HCN3: variants seen among roughly 807,000 people sequenced by gnomAD.
The protein encoded by HCN3 is hyperpolarization activated cyclic nucleotide gated potassium channel 3, also known as potassium/sodium hyperpolarization-activated cyclic nucleotide-gated channel 3.
A neutral mutation model predicts 56.8 loss-of-function variants in HCN3; 36 were observed. The observed-to-expected ratio is 0.63, with a 90% CI of 0.49 to 0.84. The LOEUF (loss-of-function observed/expected upper bound fraction) is 0.84. HCN3 is among the 40% of genes least tolerant of loss of function. The probability of loss-of-function intolerance (pLI) is 0.00; values close to 1 mark genes in which losing one functional copy is unlikely to be tolerated. For missense variants in HCN3, 930 were observed against 1,079.3 expected, an observed-to-expected ratio of 0.86 and a Z score of 1.94; for synonymous variants, 425 against 439.7, an observed-to-expected ratio of 0.97 and a Z score of 0.42.
intron 6 of HCN3, 108 bp from the exon 7 acceptor site, chr1:155,287,065 C>A: frequency 7.7e-7 from 1 of 1,299,882 alleles, no homozygotes; most frequent in Admixed American, 2.1e-5. Flanking sequence ...ATGGTTTCTC[C>A]CAAGTCTAGG....
Position 155,284,751 on chromosome 1 carries a change from G to C in HCN3, c.1083G>C (p.Gln361His), listed in dbSNP as rs755472158. The change falls in exon 4 of 8, where the codon CAG (glutamine) becomes CAC (histidine). Residue 361 changes from glutamine (Q) to histidine (H), a missense_variant. Gln to His is a conservative substitution (Grantham distance 24). Transcript: ENST00000368358. This position sits in a 1 kb window ranked among gnomAD's most constrained non-coding sequence, Gnocchi z 4.3. ...QSLDSSRRQYQEKYKQVEQYM... is the reference protein window; with the variant it reads ...QSLDSSRRQYHEKYKQVEQYM... ...TGGACTCTTCCCGGCGTCAGTACCA[G>C]GAGAAGGTCAGCAGGGACAGGAGAG... 1.2e-6 allele frequency: 2 copies of C among 1,613,232 alleles called. No homozygotes were observed. The highest frequency in any genetic ancestry group is 1.7e-5 in the Admixed American group (1 of 59,982).
In HCN3 at chr1:155,287,855, C is replaced by G; in HGVS notation, c.1717C>G (p.His573Asp). 3.1e-6 allele frequency: 5 copies of G among 1,613,902 alleles called. No individual in the cohort carries two copies. The highest frequency in any genetic ancestry group is 4.2e-6 in the Non-Finnish European group (5 of 1,179,910). The change falls in exon 8 of 8, where the codon CAC becomes GAC. Residue 573 changes from histidine to aspartate, a missense_variant. His to Asp is a moderately conservative substitution (Grantham distance 81, BLOSUM62 -1). Coordinates refer to ENST00000368358, the MANE Select transcript of HCN3 (RefSeq NM_020897.3). Reference sequence around the variant, plus strand: ...CAGCAGTGGTGGCATCATGGAGCAGCACTTGGTGCAACATGACAGAGACAT... The same window carrying G: ...CAGCAGTGGTGGCATCATGGAGCAGGACTTGGTGCAACATGACAGAGACAT... ...PGSSGGIMEQ[H>D]LVQHDRDMAR...
In HCN3 at chr1:155,288,193, G is replaced by A; in HGVS notation, c.2055G>A (p.Arg685=). 6.3e-7 allele frequency: 1 copy of A among 1,574,942 alleles called. No homozygotes were observed. Among genetic ancestry groups the A allele is most frequent in the Non-Finnish European group, 8.6e-7 (1 of 1,165,360 alleles). ...PARTLHASLS[R]AGRSQVSLLG... is the part of the protein sequence containing the mutation. Reference sequence around the variant, plus strand: ...GAACCCTGCACGCCAGCCTATCCCGGGCAGGGCGCTCCCAGGTCTCCCTGC... The same window carrying A: ...GAACCCTGCACGCCAGCCTATCCCGAGCAGGGCGCTCCCAGGTCTCCCTGC... Residue 685 remains arginine (R), a synonymous_variant, in exon 8 of 8, where the codon CGG becomes CGA. Coordinates refer to ENST00000368358, the MANE Select transcript of HCN3 (RefSeq NM_020897.3). This position sits in a 1 kb window ranked among gnomAD's most constrained non-coding sequence, Gnocchi z 6.5.
chr1:155,285,083 C>T lies in HCN3; in HGVS notation c.1090-82C>T. The T allele has an allele frequency of 6.6e-7, 1 of 1,519,190 alleles. No individual in the cohort carries two copies. The highest frequency in any genetic ancestry group is 1.2e-5 in the South Asian group (1 of 82,444). The allele number at this position is 1,519,190 out of a possible 1,614,324, so 94.1% of individuals were successfully genotyped here. A position where few individuals can be genotyped will look rare whatever the true frequency, so the allele number is the denominator to read the frequency against. ...CTTTGAGTTTGACCTGTGTCTCTGA[C>T]CTTCCGCACACACACCCCACTGTGC... On this transcript the variant is annotated intron_variant, in intron 4 of 7. Transcript: ENST00000368358. This position sits in a 1 kb window ranked among gnomAD's most constrained non-coding sequence, Gnocchi z 4.5.
chr1:155,282,750 C>G lies in HCN3; in HGVS notation c.618C>G (p.Ala206=), dbSNP rs1303323535. The stretch of plus-strand genomic sequence containing the variant: ...CTGAGGTCTACAAAACGGCACGGGC[C>G]CTACGCATCGTTCGCTTCACCAAGA... ...LDAEVYKTAR[A]LRIVRFTKIL... Residue 206 remains alanine, a synonymous_variant, in exon 2 of 8, where the codon GCC becomes GCG. Coordinates refer to ENST00000368358, the MANE Select transcript of HCN3 (RefSeq NM_020897.3). This position sits in a 1 kb window ranked among gnomAD's most constrained non-coding sequence, Gnocchi z 4.7. 3 of 1,614,158 alleles carry G rather than the reference C, an allele frequency of 1.9e-6. No homozygotes were observed. The highest frequency in any genetic ancestry group is 2.5e-6 in the Non-Finnish European group (3 of 1,180,034).
intron 2 of HCN3, among the ~76,000 whole-genome samples, chr1:155,283,241 G>A (rs1289849570): frequency 6.6e-6 from 1 of 152,038 alleles, no homozygotes; most frequent in East Asian, 1.9e-4. Flanking sequence ...CAGTTTTATT[G>A]TTTACTATAG....
In HCN3 at chr1:155,282,108, C is replaced by G. The variant is rs1674078723; in HGVS notation, c.279-303C>G. 6.6e-6 allele frequency among the ~76,000 whole-genome samples: 1 copy of G among 152,150 alleles called. No individual in the cohort carries two copies. Among genetic ancestry groups the G allele is most frequent in the Non-Finnish European group, 1.5e-5 (1 of 68,040 alleles). ...TACACAAGGACATGTGTGTTGTTCT[C>G]AAATTTAATGCTGCTATAAACATTC... On this transcript the variant is annotated intron_variant, in intron 1 of 7. Coordinates refer to ENST00000368358, the MANE Select transcript of HCN3 (RefSeq NM_020897.3). This position sits in a 1 kb window ranked among gnomAD's most constrained non-coding sequence, Gnocchi z 4.7.
At position 155,284,136 on chromosome 1, in the gene HCN3, G is replaced by A. The variant is rs768329776; in HGVS notation, c.870+1G>A. On this transcript the variant is annotated splice_donor_variant, in intron 3 of 7. Transcript: ENST00000368358. LOFTEE classifies it high-confidence loss of function. This position sits in a 1 kb window ranked among gnomAD's most constrained non-coding sequence, Gnocchi z 4.3. ...CTGGGTCTCCATCAACCACATGGTG[G>A]TGAGAAGTCCCCACAGCTCTGCCTT... is the stretch of plus-strand genomic sequence containing the variant. 2 of 1,613,812 alleles carry A rather than the reference G, an allele frequency of 1.2e-6. No individual in the cohort carries two copies. Among genetic ancestry groups the A allele is most frequent in the South Asian group, 1.1e-5 (1 of 91,070 alleles).
At chr1:155,277,907 C>A in intron 1 of HCN3, 39 bp downstream of exon 1, 2 of 1,592,422 alleles carry the variant, frequency 1.3e-6, no homozygotes, top group Non-Finnish European at 1.7e-6. Context: ...GTACATCAAT[C>A]CCACCCTCGC....
chr1:155,284,338 C>T lies in HCN3; in HGVS notation c.871-201C>T. On this transcript the variant is annotated intron_variant, in intron 3 of 7. Coordinates refer to ENST00000368358, the MANE Select transcript of HCN3 (RefSeq NM_020897.3). The surrounding 1 kb of genome is among the most constrained non-coding windows in gnomAD (Gnocchi z 4.3). Reference sequence around the variant, plus strand: ...GAGGGAGCAGGCAAAGGAAGGGTACCTACCCGGAAGCTGAGGCCCCCAAGT... The same window carrying T: ...GAGGGAGCAGGCAAAGGAAGGGTACTTACCCGGAAGCTGAGGCCCCCAAGT... 1 of 841,746 alleles carries T rather than the reference C, an allele frequency of 1.2e-6. No homozygotes were observed. Among genetic ancestry groups the T allele is most frequent in the East Asian group, 2.7e-5 (1 of 37,198 alleles). The allele number at this position is 841,746 out of a possible 1,614,324, so 52.1% of individuals were successfully genotyped here.
intron 1 of HCN3, among the ~76,000 whole-genome samples, chr1:155,280,683 C>T (rs1031965908): frequency 3.3e-5 from 5 of 150,888 alleles, no homozygotes; most frequent in African/African-American, 4.9e-5. Context: ...TGTGATCTGC[C>T]CACCTTGGCC....
chr1:155,284,547 G>A lies in HCN3; in HGVS notation c.879G>A (p.Ser293=), dbSNP rs758943199. The change falls in exon 4 of 8, where the codon TCG becomes TCA. Residue 293 remains serine (S), a synonymous_variant. Coordinates refer to ENST00000368358, the MANE Select transcript of HCN3 (RefSeq NM_020897.3). This position sits in a 1 kb window ranked among gnomAD's most constrained non-coding sequence, Gnocchi z 4.3. ...TATACTCTGCCCCTCAGAACCACTC[G>A]TGGGGCCGCCAGTATTCCCATGCCC... is the stretch of plus-strand genomic sequence containing the variant. ...WVSINHMVNH[S]WGRQYSHALF... is the part of the protein sequence containing the mutation. The A allele has an allele frequency of 6.2e-6, 10 of 1,611,864 alleles. No individual in the cohort carries two copies. Among genetic ancestry groups the A allele is most frequent in the African/African-American group, 2.7e-5 (2 of 74,882 alleles).
At position 155,285,893 on chromosome 1, in the gene HCN3, A is replaced by G; in HGVS notation, c.1406A>G (p.Gln469Arg). The G allele has an allele frequency of 6.2e-7, 1 of 1,613,906 alleles. No homozygotes were observed. Among genetic ancestry groups the G allele is most frequent in the Non-Finnish European group, 8.5e-7 (1 of 1,179,800 alleles). The change falls in exon 6 of 8, where the codon CAG (glutamine) becomes CGG (arginine). Residue 469 changes from glutamine to arginine, a missense_variant. By Grantham distance (43) the Gln-to-Arg change is conservative (BLOSUM62 1). Coordinates refer to ENST00000368358, the MANE Select transcript of HCN3 (RefSeq NM_020897.3). The surrounding 1 kb of genome is among the most constrained non-coding windows in gnomAD (Gnocchi z 4.5). ...GSVGRKMYFI[Q>R]HGLLSVLARG... ...GTGGGGAGGAAGATGTACTTCATCCAGCATGGGCTGCTCAGTGTGCTGGCC... is the reference window on the plus strand; with the variant it reads ...GTGGGGAGGAAGATGTACTTCATCCGGCATGGGCTGCTCAGTGTGCTGGCC...
intron 6 of HCN3, 59 bp from the exon 7 acceptor site, chr1:155,287,114 A>G: frequency 6.3e-7 from 1 of 1,590,652 alleles, no homozygotes; most frequent in South Asian, 1.1e-5. Context: ...CTGCAGGCTC[A>G]GCAAGAGGAG....
In HCN3 at chr1:155,288,243, G is replaced by T; in HGVS notation, c.2105G>T (p.Gly702Val). 1 of 1,587,366 alleles carries T rather than the reference G, an allele frequency of 6.3e-7. No individual in the cohort carries two copies. The highest frequency in any genetic ancestry group is 8.5e-7 in the Non-Finnish European group (1 of 1,170,522). ...SLLGPPPGGG[G>V]RRLGPRGRPL... ...CTGGGTCCCCCTCCAGGAGGAGGTG[G>T]ACGGCGGCTAGGACCTCGGGGCCGC... The change falls in exon 8 of 8, where the codon GGA becomes GTA. Residue 702 changes from glycine (G) to valine (V), a missense_variant. Physicochemically the swap from Gly to Val is moderately radical, Grantham distance 109 (BLOSUM62 -3). Coordinates refer to ENST00000368358, the MANE Select transcript of HCN3 (RefSeq NM_020897.3). This position sits in a 1 kb window ranked among gnomAD's most constrained non-coding sequence, Gnocchi z 6.5.
chr1:155,286,920 C>A (rs1280693607), intron 6 of HCN3, among the ~76,000 whole-genome samples: 2 of 152,054 alleles, frequency 1.3e-5, no homozygotes, highest in African/African-American at 2.4e-5. Context: ...GCCAGCAAGA[C>A]CTGCCTGGTC....
chr1:155,287,782 C>T lies in HCN3; in HGVS notation c.1644C>T (p.Gly548=), dbSNP rs774712848. The T allele has an allele frequency of 2.2e-5, 35 of 1,571,172 alleles. No homozygotes were observed. Among genetic ancestry groups the T allele is most frequent in the Admixed American group, 3.6e-5 (2 of 55,080 alleles). ...TCTCCCTCCCGGTACAACTTCTAGG[C>T]AAGAAGAATTCCATACTGCAGCGGA... The part of the protein sequence containing the change: ...TVAMDRLLRI[G]KKNSILQRKR... The change falls in exon 8 of 8, where the codon GGC becomes GGT. Residue 548 remains glycine, a splice_region_variant and synonymous_variant. Coordinates refer to ENST00000368358, the MANE Select transcript of HCN3 (RefSeq NM_020897.3).
Position 155,277,612 on chromosome 1 carries a change from G to C in HCN3, c.22G>C (p.Ala8Pro), listed in dbSNP as rs1397586772. ...CGCCATGGAGGCAGAGCAGCGGCCG[G>C]CGGCGGGGGCCAGCGAAGGGGCGAC... MEAEQRP[A>P]AGASEGATPG... The change falls in exon 1 of 8, where the codon GCG (alanine) becomes CCG (proline). Residue 8 changes from alanine (A) to proline (P), a missense_variant. Physicochemically the swap from Ala to Pro is conservative, Grantham distance 27 (BLOSUM62 -1). Transcript: ENST00000368358. 2 of 1,557,566 alleles carry C rather than the reference G, an allele frequency of 1.3e-6. No homozygotes were observed. Among genetic ancestry groups the C allele is most frequent in the Non-Finnish European group, 1.7e-6 (2 of 1,151,996 alleles).
chr1:155,282,878 G>A lies in HCN3; in HGVS notation c.708+38G>A. 6.3e-6 allele frequency: 9 copies of A among 1,435,234 alleles called. No homozygotes were observed. The highest frequency in any genetic ancestry group is 1.2e-5 in the South Asian group (1 of 80,828). 88.9% of individuals were successfully genotyped at this position (1,435,234 alleles called of 1,614,324 possible). ...GATGGCGGGCGGGGCAGTGGGTGGG[G>A]GATGTTGGGGGAGAAGGGGGCGGGG... On this transcript the variant is annotated intron_variant, in intron 2 of 7. Transcript: ENST00000368358. This position sits in a 1 kb window ranked among gnomAD's most constrained non-coding sequence, Gnocchi z 4.7.
Sources: gnomAD v4.1 joint callset for allele counts (sites outside exome capture counted in the v4.1 genomes callset) on GRCh38, gnomAD v4.1.1 for gene constraint, Gnocchi (gnomAD v3.1) non-coding constraint, MANE v1.5 for transcripts, NCBI Gene and HGNC (gene_info 2026-07-23, HGNC 2026-07-21) for gene names.